Variants in CSMD1 observed in about 807,000 individuals in gnomAD.
The protein encoded by CSMD1 is CUB and Sushi multiple domains 1.
Under a neutral mutation model 417.5 loss-of-function variants are expected in CSMD1, and 213 were observed. The observed-to-expected ratio is 0.51, with a 90% CI of 0.46 to 0.57. The LOEUF is 0.57. CSMD1 is among the 20% of genes least tolerant of loss of function. CSMD1 has a pLI of 0.00. For synonymous variants in CSMD1, 2,862 were observed against 1,736.8 expected, an observed-to-expected ratio of 1.65 and a Z score of -16.11; for missense variants, 6,923 against 4,529.7, an observed-to-expected ratio of 1.53 and a Z score of -15.17.
chr8:3,013,206 C>A (rs1303825195), intron 52 of CSMD1, among the ~76,000 whole-genome samples: 1 of 152,160 alleles, frequency 6.6e-6, no homozygotes, highest in Non-Finnish European at 1.5e-5. Flanking sequence ...TCTGCATCAA[C>A]CCTGGGCCTT....
chr8:4,244,758 C>G (rs1006368196), intron 3 of CSMD1, among the ~76,000 whole-genome samples: 3 of 151,902 alleles, frequency 2.0e-5, no homozygotes, highest in East Asian at 1.9e-4. Context: ...AAGAGTTTTG[C>G]TACTTAAAGA....
chr8:4,308,399 G>A (rs1798368982), intron 3 of CSMD1, among the ~76,000 whole-genome samples: 1 of 150,912 alleles, frequency 6.6e-6, no homozygotes, highest in East Asian at 1.9e-4. Context: ...GTGTATTCGT[G>A]CATGTGTGTG....
At chr8:3,173,874 T>C (rs1820738423) in intron 37 of CSMD1, among the ~76,000 whole-genome samples, 1 of 152,210 alleles carries the variant, frequency 6.6e-6, no homozygotes, top group Admixed American at 6.5e-5. Context: ...TTATTGTAAT[T>C]ATAGGGGCTA....
chr8:3,297,288 A>T (rs1192413974), intron 25 of CSMD1, among the ~76,000 whole-genome samples: 6 of 152,196 alleles, frequency 3.9e-5, no homozygotes, highest in Non-Finnish European at 8.8e-5. Context: ...ATCAATAAAA[A>T]TCCAGGCAAT....
intron 1 of CSMD1, among the ~76,000 whole-genome samples, chr8:4,975,909 T>C (rs539022061): frequency 5.3e-5 from 8 of 152,348 alleles, no homozygotes; most frequent in Non-Finnish European, 1.0e-4. Flanking sequence ...TTTCCTATGT[T>C]GCTCACATTG....
chr8:3,175,491 G>GCCTT (rs1820867142), intron 37 of CSMD1, among the ~76,000 whole-genome samples: 1 of 94,904 alleles, frequency 1.1e-5, no homozygotes, highest in Non-Finnish European at 1.9e-5. Flanking sequence ...CTTCCTGCCT[G>GCCTT]CCTGCCTGCC....
intron 33 of CSMD1, among the ~76,000 whole-genome samples, chr8:3,197,610 TG>T (rs1796772929): frequency 1.1e-5 from 1 of 94,664 alleles, no homozygotes; most frequent in African/African-American, 4.4e-5. Flanking sequence ...GGACTACAGG[TG>T]CCCGCCACCA....
intron 5 of CSMD1, among the ~76,000 whole-genome samples, chr8:3,863,987 T>G (rs905489572): frequency 4.6e-5 from 7 of 152,172 alleles, no homozygotes; most frequent in Admixed American, 4.6e-4. Flanking sequence ...AGTCTAGGTT[T>G]GTAGAAAATT....
At chr8:3,618,265 A>C (rs912080619) in intron 7 of CSMD1, among the ~76,000 whole-genome samples, 4 of 152,110 alleles carry the variant, frequency 2.6e-5, no homozygotes, top group African/African-American at 9.7e-5. Flanking sequence ...GTGGCCTCCT[A>C]AAGTGTTGGG....
chr8:4,352,779 T>C (rs768495722), intron 3 of CSMD1, among the ~76,000 whole-genome samples: 43 of 152,236 alleles, frequency 2.8e-4, no homozygotes, highest in Non-Finnish European at 5.0e-4. Context: ...AAATCTACTG[T>C]TGGAATGTGG....
At chr8:3,816,202 C>A (rs768583886) in intron 5 of CSMD1, among the ~76,000 whole-genome samples, 1 of 152,138 alleles carries the variant, frequency 6.6e-6, no homozygotes, top group Admixed American at 6.5e-5. Flanking sequence ...GGGAGAATCA[C>A]GACTTTTCAG....
At chr8:4,908,591 T>G (rs1805458763) in intron 1 of CSMD1, among the ~76,000 whole-genome samples, 1 of 148,890 alleles carries the variant, frequency 6.7e-6, no homozygotes, top group African/African-American at 2.4e-5. Flanking sequence ...TAGAGAGTTT[T>G]TATTCAACAG....
chr8:4,702,203 T>G (rs1807604034), intron 1 of CSMD1, among the ~76,000 whole-genome samples: 1 of 152,168 alleles, frequency 6.6e-6, no homozygotes, highest in Non-Finnish European at 1.5e-5. Flanking sequence ...AGCAAACCAC[T>G]ATGGTACATG....
chr8:4,451,638 A>C (rs527363550), intron 2 of CSMD1, among the ~76,000 whole-genome samples: 2 of 152,306 alleles, frequency 1.3e-5, no homozygotes, highest in African/African-American at 4.8e-5. Context: ...ACTAGAAGGT[A>C]ATGTTAGGAT....
chr8:3,045,023 C>G (rs190569966), intron 50 of CSMD1, among the ~76,000 whole-genome samples: 1 of 152,176 alleles, frequency 6.6e-6, no homozygotes, highest in African/African-American at 2.4e-5. Flanking sequence ...AAAACAATCC[C>G]CCGAATAAAA....
intron 5 of CSMD1, among the ~76,000 whole-genome samples, chr8:3,909,509 G>T (rs74863938): frequency 6.6e-6 from 1 of 152,106 alleles, no homozygotes; most frequent in Non-Finnish European, 1.5e-5. Flanking sequence ...CCAGAAGCAG[G>T]AATGTTCCCA....
chr8:3,582,006 G>C (rs188922007), intron 9 of CSMD1, among the ~76,000 whole-genome samples: 14 of 152,134 alleles, frequency 9.2e-5, no homozygotes, highest in Non-Finnish European at 1.5e-4. Flanking sequence ...TGTTGGCCAG[G>C]TTGGTCTTGA....
chr8:3,890,427 G>C (rs958917898), intron 5 of CSMD1, among the ~76,000 whole-genome samples: 2 of 151,972 alleles, frequency 1.3e-5, no homozygotes, highest in Non-Finnish European at 2.9e-5. Context: ...ACCTGAACAA[G>C]CTCGCAGTGT....
At position 4,223,694 on chromosome 8, in the gene CSMD1, G is replaced by A. The variant is rs146620806; in HGVS notation, c.416-191595C>T. Among the ~76,000 whole-genome samples the A allele has an allele frequency of 5.3e-3, 807 of 152,302 alleles. 1 individual carries two copies. Among genetic ancestry groups the A allele is most frequent in the Middle Eastern group, 0.031 (9 of 294 alleles). On this transcript the variant is annotated intron_variant, in intron 3 of 69. Coordinates refer to ENST00000635120, the MANE Select transcript of CSMD1 (RefSeq NM_033225.6). Reference sequence around the variant, plus strand: ...TTGGAAAAATCATTTGACTTCCAGAGCCTGAATATTTTTTTGTTATCTGAA... The same window carrying A: ...TTGGAAAAATCATTTGACTTCCAGAACCTGAATATTTTTTTGTTATCTGAA...
Sources: gnomAD v4.1 joint callset for allele counts (sites outside exome capture counted in the v4.1 genomes callset) on GRCh38, gnomAD v4.1.1 for gene constraint, MANE v1.5 for transcripts, NCBI Gene and HGNC (gene_info 2026-07-23, HGNC 2026-07-21) for gene names.